The following OGA variants were observed in gnomAD, a reference collection of about 807,000 sequenced individuals.
The protein encoded by OGA is O-GlcNAcase.
Under a neutral mutation model 102.0 loss-of-function variants are expected in OGA, and 21 were observed. The ratio of observed to expected loss-of-function variants is 0.21; its 90% CI spans 0.15 to 0.30. OGA has a LOEUF of 0.30. Ranked by LOEUF, OGA falls within the 10% of genes least tolerant of loss-of-function variation. The pLI is 1.00. For synonymous variants in OGA, 408 were observed against 378.2 expected, an observed-to-expected ratio of 1.08 and a Z score of -0.91; for missense variants, 765 against 1,107.8, an observed-to-expected ratio of 0.69 and a Z score of 4.39.
At position 101,799,411 on chromosome 10, in the gene OGA, C is replaced by A. The variant is rs2065360801; in HGVS notation, c.1240G>T (p.Gly414Trp). The change falls in exon 9 of 16, where the codon GGG becomes TGG. Residue 414 changes from glycine to tryptophan, a missense_variant. This residue lies in a region of OGA where 281 missense variants were observed against 345.8 expected (regional missense o/e 0.81). Transcript: ENST00000361464. ...HSGAKASVVD[G>W]TPLVAAPSLN... Reference sequence around the variant, plus strand: ...GAGGGTGCTGCAACTAAAGGAGTCCCATCAACTACACTTGCTTTAGCTCCA... The same window carrying A: ...GAGGGTGCTGCAACTAAAGGAGTCCAATCAACTACACTTGCTTTAGCTCCA... 1 of 1,613,892 alleles carries A rather than the reference C, an allele frequency of 6.2e-7. No individual in the cohort carries two copies. The highest frequency in any genetic ancestry group is 1.1e-5 in the South Asian group (1 of 91,080).
Position 101,796,361 on chromosome 10 carries a change from A to G in OGA, c.1984+1619T>C, listed in dbSNP as rs531106198. On this transcript the variant is annotated intron_variant, in intron 10 of 15. Coordinates refer to ENST00000361464, the MANE Select transcript of OGA (RefSeq NM_012215.5). ...ACTGCAACCTCCACCTCCTGGGTTCAAGTGATTCTTCTGCCTCAGCCTCCC... is the reference window on the plus strand; with the variant it reads ...ACTGCAACCTCCACCTCCTGGGTTCGAGTGATTCTTCTGCCTCAGCCTCCC... 5.3e-5 allele frequency among the ~76,000 whole-genome samples: 8 copies of G among 152,142 alleles called. No homozygotes were observed. The South Asian group carries it at 1.7e-3, about 32-fold the overall frequency.
intron 4 of OGA, among the ~76,000 whole-genome samples, chr10:101,809,333 A>T (rs544733468): frequency 3.3e-4 from 50 of 152,284 alleles, no homozygotes; most frequent in African/African-American, 1.2e-3. Flanking sequence ...TCATTCTTTT[A>T]AGGCAGTTCT....
intron 5 of OGA, 61 bp from the exon 6 acceptor site, chr10:101,806,204 T>C: frequency 9.4e-7 from 1 of 1,068,322 alleles, no homozygotes; most frequent in Non-Finnish European, 1.4e-6. Context: ...TTTCTCTTTG[T>C]TTGTTTGTTT....
intron 6 of OGA, among the ~76,000 whole-genome samples, chr10:101,804,810 T>TA (rs369040453): frequency 1.3e-5 from 2 of 151,854 alleles, no homozygotes; most frequent in Admixed American, 6.6e-5. Context: ...AGGCTAATCT[T>TA]AAACTCCTGG....
At chr10:101,797,780 G>A (rs1392221711) in intron 10 of OGA, 200 bp downstream of exon 10, 1 of 612,146 alleles carries the variant, frequency 1.6e-6, no homozygotes, top group African/African-American at 1.9e-5. Flanking sequence ...GCCCAAGGGA[G>A]AAAAATTAAT....
At chr10:101,812,785 C>T (rs780513990) in intron 3 of OGA, 3 of 582,966 alleles carry the variant, frequency 5.1e-6, no homozygotes, top group South Asian at 3.1e-5. Context: ...GTAAGCAGCA[C>T]AATCTATGAC....
chr10:101,796,271 C>T (rs577788921), intron 10 of OGA, among the ~76,000 whole-genome samples: 1 of 152,186 alleles, frequency 6.6e-6, no homozygotes, highest in Admixed American at 6.5e-5. Context: ...AGCCTCCCCC[C>T]AGCCCCACAA....
In OGA at chr10:101,806,070, T is replaced by C. The variant is rs767895437; in HGVS notation, c.726A>G (p.Leu242=). The C allele has an allele frequency of 5.6e-6, 9 of 1,609,974 alleles. No individual in the cohort carries two copies. In the African/African-American group the frequency reaches 6.7e-5, roughly 12 times the overall value. Residue 242 remains leucine, a synonymous_variant, in exon 6 of 16, where the codon CTA becomes CTG. Coordinates refer to ENST00000361464, the MANE Select transcript of OGA (RefSeq NM_012215.5). ...CTGTCCAAAGCACTTCAATTCCAGG[T>C]AGAAGCTTTTCACCCACAGTCCTTA... ...PYLRTVGEKL[L]PGIEVLWTGP...
intron 3 of OGA, among the ~76,000 whole-genome samples, chr10:101,812,237 G>A (rs550059240): frequency 2.6e-5 from 4 of 152,012 alleles, no homozygotes; most frequent in South Asian, 2.1e-4. Flanking sequence ...CCAACTCAAC[G>A]TTAAGTATAC....
intron 8 of OGA, 76 bp from the exon 9 acceptor site, chr10:101,799,531 A>T: frequency 7.2e-7 from 1 of 1,398,310 alleles, no homozygotes. Flanking sequence ...CATTAGATTC[A>T]GAAAGATGCT....
chr10:101,814,186 A>G (rs1326719301), intron 1 of OGA, among the ~76,000 whole-genome samples: 3 of 152,098 alleles, frequency 2.0e-5, no homozygotes, highest in African/African-American at 7.2e-5. Context: ...AAAATTAGCC[A>G]GGTATGGTGG....
In OGA at chr10:101,786,311, A is replaced by T. The variant is rs1589819913; in HGVS notation, c.*140T>A. The T allele has an allele frequency of 1.3e-6, 1 of 795,920 alleles. No individual in the cohort carries two copies. The highest frequency in any genetic ancestry group is 3.0e-5 in the East Asian group (1 of 33,330). 49.3% of individuals were successfully genotyped at this position (795,920 alleles called of 1,614,324 possible). On this transcript the variant is annotated 3_prime_UTR_variant, in exon 16 of 16. Coordinates refer to ENST00000361464, the MANE Select transcript of OGA (RefSeq NM_012215.5). ...GAGTAGTCTCAAAGTGTGATGGGTGAGTTTTACATAGTCTTCTTTGTTTCG... is the reference window on the plus strand; with the variant it reads ...GAGTAGTCTCAAAGTGTGATGGGTGTGTTTTACATAGTCTTCTTTGTTTCG...
intron 7 of OGA, among the ~76,000 whole-genome samples, chr10:101,802,052 A>G (rs1178864487): frequency 6.6e-6 from 1 of 151,916 alleles, no homozygotes; most frequent in African/African-American, 2.4e-5. Context: ...GGCTGAGGCC[A>G]GAGACTCGCT....
chr10:101,803,649 G>A (rs911230094), intron 7 of OGA, 86 bp downstream of exon 7: 10 of 1,296,198 alleles, frequency 7.7e-6, no homozygotes, highest in African/African-American at 7.5e-5. Context: ...TTTAAGTTGT[G>A]ATGACAAAGG....
intron 5 of OGA, among the ~76,000 whole-genome samples, chr10:101,806,637 TAC>T (rs2065478471): frequency 6.6e-6 from 1 of 152,242 alleles, no homozygotes; most frequent in African/African-American, 2.4e-5. Context: ...CTTACGATAC[TAC>T]AGTTACTAGA....
chr10:101,800,197 C>A (rs776010466), intron 8 of OGA, 45 bp downstream of exon 8: 8 of 1,580,216 alleles, frequency 5.1e-6, no homozygotes, highest in South Asian at 2.2e-5. Context: ...CTTTGTGACT[C>A]AACTATGTGA....
intron 5 of OGA, 75 bp from the exon 6 acceptor site, chr10:101,806,218 T>C (rs2065471455): frequency 3.1e-6 from 3 of 959,586 alleles, no homozygotes; most frequent in Middle Eastern, 2.1e-4. Context: ...TTTGTTTTCT[T>C]TGAGACGGAG....
In OGA at chr10:101,818,277, G is replaced by C. The variant is rs1007466724; in HGVS notation, c.-255C>G. 3.9e-6 allele frequency: 5 copies of C among 1,280,008 alleles called. No individual in the cohort carries two copies. The highest frequency in any genetic ancestry group is 1.6e-5 in the African/African-American group (1 of 64,294). 79.3% of individuals were successfully genotyped at this position (1,280,008 alleles called of 1,614,324 possible). A position where few individuals can be genotyped will look rare whatever the true frequency, so the allele number is the denominator to read the frequency against. On this transcript the variant is annotated 5_prime_UTR_variant, in exon 1 of 16. Coordinates refer to ENST00000361464, the MANE Select transcript of OGA (RefSeq NM_012215.5). ...CTGGGGCGCCAGAAGCCTAAGCGGA[G>C]AGCGAGGCTGTGACCTCTCGTTCCC...
At chr10:101,789,259 G>T (rs1257703473) in intron 14 of OGA, among the ~76,000 whole-genome samples, 1 of 152,238 alleles carries the variant, frequency 6.6e-6, no homozygotes, top group Non-Finnish European at 1.5e-5. Flanking sequence ...AGCACTTTGG[G>T]AGGCTGAGGA....
Sources: gnomAD v4.1 joint callset for allele counts (sites outside exome capture counted in the v4.1 genomes callset) on GRCh38, gnomAD v4.1.1 for gene constraint, gnomAD v4.1.1 regional missense constraint, MANE v1.5 for transcripts, NCBI Gene and HGNC (gene_info 2026-07-23, HGNC 2026-07-21) for gene names.